Variants in FXYD3 observed in about 807,000 individuals in gnomAD.
FXYD3 encodes FXYD domain containing ion transport regulator 3.
In FXYD3, 13 loss-of-function variants were observed where a neutral mutation model predicts 19.2. The observed-to-expected ratio is 0.68, with a 90% CI of 0.44 to 1.08. The LOEUF (loss-of-function observed/expected upper bound fraction) is 1.08. Among genes scored for constraint, FXYD3 ranks in the 50% least tolerant of loss-of-function variants. The pLI is 0.00. For missense variants in FXYD3, 101 were observed against 109.4 expected (o/e 0.92, Z 0.34); for synonymous variants, 48 against 38.9 (o/e 1.23, Z -0.87).
intron 2 of FXYD3, chr19:35,118,578 C>T: frequency 3.0e-6 from 3 of 992,186 alleles, no homozygotes; most frequent in Non-Finnish European, 3.6e-6. Context: ...TTGCTGTCAC[C>T]AGGAACTCTG....
intron 2 of FXYD3, chr19:35,118,736 T>G: frequency 3.7e-6 from 1 of 267,734 alleles, no homozygotes; most frequent in Non-Finnish European, 6.4e-6. Flanking sequence ...GGAGGTAGAG[T>G]CCCCCTCTAC....
intron 7 of FXYD3, 64 bp from the exon 8 acceptor site, chr19:35,123,207 C>T (rs1476107742): frequency 5.2e-6 from 8 of 1,533,160 alleles, no homozygotes; most frequent in African/African-American, 1.4e-5. Flanking sequence ...GGCTAAGAAC[C>T]CTCTATCCGG....
chr19:35,119,318 C>T, intron 2 of FXYD3, 45 bp from the exon 3 acceptor site: 1 of 1,608,094 alleles, frequency 6.2e-7, no homozygotes, highest in South Asian at 1.1e-5. Flanking sequence ...CAGGGCCAGC[C>T]TCCCGGTGGC....
intron 5 of FXYD3, among the ~76,000 whole-genome samples, chr19:35,122,258 G>T (rs2065059166): frequency 6.6e-6 from 1 of 151,622 alleles, no homozygotes; most frequent in South Asian, 2.1e-4. Context: ...GGGTTCAAAT[G>T]ATTCTCCAGC....
At position 35,122,859 on chromosome 19, in the gene FXYD3, G is replaced by A; in HGVS notation, c.172+20G>A. The A allele has an allele frequency of 6.2e-7, 1 of 1,613,944 alleles. No individual in the cohort carries two copies. The highest frequency in any genetic ancestry group is 8.5e-7 in the Non-Finnish European group (1 of 1,179,924). The stretch of plus-strand genomic sequence containing the variant: ...TCATGAGTGAGTGGAGGAGCTCGGG[G>A]GAGCAGGCGGGCCGGGGCTGGGGCT... On this transcript the variant is annotated intron_variant, in intron 6 of 8. Transcript: ENST00000604404.
intron 8 of FXYD3, 41 bp downstream of exon 8, chr19:35,123,349 GGTGT>G (rs71167516): frequency 5.2e-5 from 77 of 1,484,168 alleles, no homozygotes; most frequent in South Asian, 1.6e-4. Context: ...ACACGGAAGT[GGTGT>G]GTGTGTGTGT....
rs2065072226 is a variant in FXYD3, at chr19:35,122,775, C to T, written c.108C>T (p.Ser36=). 1 of 1,613,408 alleles carries T rather than the reference C, an allele frequency of 6.2e-7. No homozygotes were observed. The highest frequency in any genetic ancestry group is 8.5e-7 in the Non-Finnish European group (1 of 1,179,816). ...CCACTTTCCTCCTAGACTGGCACAGCCTCCAGGTTGGCGGGCTCATCTGCG... is the reference window on the plus strand; with the variant it reads ...CCACTTTCCTCCTAGACTGGCACAGTCTCCAGGTTGGCGGGCTCATCTGCG... The part of the protein sequence containing the change: ...KNSPFYYDWH[S]LQVGGLICAG... The change falls in exon 6 of 9, where the codon AGC becomes AGT. Residue 36 remains serine, a synonymous_variant. Transcript: ENST00000604404.
At chr19:35,118,769 A>G (rs1036828038) in intron 2 of FXYD3, among the ~76,000 whole-genome samples, 1 of 152,082 alleles carries the variant, frequency 6.6e-6, no homozygotes, top group Non-Finnish European at 1.5e-5. Flanking sequence ...CCTCACGTCA[A>G]TTCCTCCACA....
chr19:35,123,790 CT>C lies in FXYD3; in HGVS notation c.*335del, dbSNP rs1369885936. Reference sequence around the variant, plus strand: ...TGGGAAAAGCCCACAGGCCTGTTCCCTTGTGGCTTGGGACATGGCACAGGCC... The same window carrying C: ...TGGGAAAAGCCCACAGGCCTGTTCCCTGTGGCTTGGGACATGGCACAGGCC... On this transcript the variant is annotated 3_prime_UTR_variant, in exon 9 of 9. Transcript: ENST00000604404. 5 of 431,710 alleles carry C rather than the reference CT, an allele frequency of 1.2e-5. No individual in the cohort carries two copies. The highest frequency in any genetic ancestry group is 2.1e-5 in the Non-Finnish European group (5 of 236,806). 26.7% of individuals were successfully genotyped at this position (431,710 alleles called of 1,614,324 possible). A position where few individuals can be genotyped will look rare whatever the true frequency, so the allele number is the denominator to read the frequency against.
rs746593023 is a variant in FXYD3 at position 35,119,369 on chromosome 19, G to A, written c.-8G>A. 2.9e-5 allele frequency: 46 copies of A among 1,614,010 alleles called. No homozygotes were observed. Among genetic ancestry groups the A allele is most frequent in the Non-Finnish European group, 3.6e-5 (42 of 1,180,000 alleles). On this transcript the variant is annotated 5_prime_UTR_variant, in exon 3 of 9. Coordinates refer to ENST00000604404, the MANE Select transcript of FXYD3 (RefSeq NM_005971.4). ...CCTCCCGCCACCCCTCTAGGCCAGC[G>A]CTCTGACATGCAGAAGGTGACCCTG...
chr19:35,123,156 C>T, intron 7 of FXYD3, 115 bp from the exon 8 acceptor site: 1 of 1,496,982 alleles, frequency 6.7e-7, no homozygotes, highest in Non-Finnish European at 8.9e-7. Context: ...GATTGCACAA[C>T]CCCCCAAATG....
chr19:35,121,105 TAGA>T lies in FXYD3; in HGVS notation c.71_73del (p.Glu24del). 1.2e-6 allele frequency: 2 copies of T among 1,613,406 alleles called. No homozygotes were observed. Among genetic ancestry groups the T allele is most frequent in the Non-Finnish European group, 8.5e-7 (1 of 1,180,026 alleles). ...TTTCCTGTCCTGGACGCCAATGACC[TAGA>T]AGGTGAGTCAGACTGGACTCTCACC... On this transcript the variant is annotated inframe_deletion and splice_region_variant, in exon 4 of 9. Transcript: ENST00000604404.
Position 35,119,367 on chromosome 19 carries a change from G to A in FXYD3, c.-10G>A. On this transcript the variant is annotated 5_prime_UTR_variant, in exon 3 of 9. Transcript: ENST00000604404. ...GACCTCCCGCCACCCCTCTAGGCCA[G>A]CGCTCTGACATGCAGAAGGTGACCC... 1.2e-6 allele frequency: 2 copies of A among 1,614,196 alleles called. No homozygotes were observed. Among genetic ancestry groups the A allele is most frequent in the South Asian group, 2.2e-5 (2 of 91,088 alleles).
chr19:35,117,757 C>CAAAAAAAA (rs67977522), intron 2 of FXYD3, among the ~76,000 whole-genome samples: 6 of 65,716 alleles, frequency 9.1e-5, no homozygotes, highest in Non-Finnish European at 1.0e-4. Flanking sequence ...TTTCTTCCCG[C>CAAAAAAAA]AAAAAAAGGA....
Position 35,121,255 on chromosome 19 carries a change from C to G in FXYD3, c.97+10C>G, listed in dbSNP as rs2290649. The G allele has an allele frequency of 0.26, 424,884 of 1,613,506 alleles. 58,934 individuals are homozygous for G. Among genetic ancestry groups the G allele is most frequent in the Admixed American group, 0.44 (26,358 of 59,998 alleles). ...AGTCCTTTCTACTATGGTGAGAGCC[C>G]GTGCCCCCTTTCCCCTCCCCACAAC... On this transcript the variant is annotated intron_variant, in intron 5 of 8. Transcript: ENST00000604404.
rs952569828 is a variant in FXYD3 at position 35,124,120 on chromosome 19, C to T, written c.*663C>T. ...TAATTCCCTATGCTACCCTTAATAA[C>T]ATACAATGACCACATAGTGTGAGAA... On this transcript the variant is annotated 3_prime_UTR_variant, in exon 9 of 9. Transcript: ENST00000604404. 2.6e-5 allele frequency: 4 copies of T among 153,898 alleles called. No homozygotes were observed. The highest frequency in any genetic ancestry group is 9.6e-5 in the African/African-American group (4 of 41,562). The allele number at this position is 153,898 out of a possible 1,614,324, so 9.5% of individuals were successfully genotyped here. A position where few individuals can be genotyped will look rare whatever the true frequency, so the allele number is the denominator to read the frequency against.
chr19:35,122,859 G>C lies in FXYD3; in HGVS notation c.172+20G>C. On this transcript the variant is annotated intron_variant, in intron 6 of 8. Coordinates refer to ENST00000604404, the MANE Select transcript of FXYD3 (RefSeq NM_005971.4). ...TCATGAGTGAGTGGAGGAGCTCGGG[G>C]GAGCAGGCGGGCCGGGGCTGGGGCT... 1 of 1,613,944 alleles carries C rather than the reference G, an allele frequency of 6.2e-7. No individual in the cohort carries two copies. The highest frequency in any genetic ancestry group is 8.5e-7 in the Non-Finnish European group (1 of 1,179,924).
chr19:35,118,668 G>T, intron 2 of FXYD3: 1 of 756,950 alleles, frequency 1.3e-6, no homozygotes, highest in Non-Finnish European at 1.6e-6. Context: ...AAGGGCATGG[G>T]TGTGGGATGA....
At position 35,116,652 on chromosome 19, in the gene FXYD3, G is replaced by T. The variant is rs560116048; in HGVS notation, c.-15+293G>T. The T allele has an allele frequency of 3.5e-3, 3,417 of 985,246 alleles. 6 individuals are homozygous for T. The highest frequency in any genetic ancestry group is 3.9e-3 in the Non-Finnish European group (3,257 of 829,834). The allele number at this position is 985,246 out of a possible 1,614,324, so 61.0% of individuals were successfully genotyped here. On this transcript the variant is annotated intron_variant, in intron 2 of 8. Transcript: ENST00000604404. The stretch of plus-strand genomic sequence containing the variant: ...GTCTGCATGGATTAGGGATATCTGG[G>T]TTGGGGATAGCTGGGTGGAGGAGAG...
Sources: allele counts gnomAD v4.1 joint callset (sites outside exome capture counted in the v4.1 genomes callset), GRCh38; gene constraint gnomAD v4.1.1; transcripts MANE v1.5; gene names NCBI Gene and HGNC (gene_info 2026-07-23, HGNC 2026-07-21).